The following MAGT1 variants were observed in gnomAD, a reference collection of about 807,000 sequenced individuals.
MAGT1 encodes magnesium transporter 1.
In MAGT1, 4 loss-of-function variants were observed where a neutral mutation model predicts 28.4. That is an observed-to-expected ratio of 0.14 (90% confidence interval 0.07 to 0.32). The LOEUF (loss-of-function observed/expected upper bound fraction) is 0.32. MAGT1 is among the 10% of genes least tolerant of loss of function. The pLI is 1.00. For synonymous variants in MAGT1, 89 were observed against 89.7 expected (o/e 0.99, Z 0.04); for missense variants, 193 against 264.5 (o/e 0.73, Z 1.88).
At chrX:77,855,776 A>T (rs2076979948) in intron 5 of MAGT1, among the ~76,000 whole-genome samples, 186 bp from the exon 6 acceptor site, 1 of 104,454 alleles carries the variant, frequency 9.6e-6, no homozygotes, top group East Asian at 3.0e-4. Context: ...GGAAAACACT[A>T]TTTTTTTTTT....
intron 8 of MAGT1, among the ~76,000 whole-genome samples, chrX:77,833,874 C>T (rs181657619): frequency 1.5e-4 from 17 of 111,123 alleles, no homozygotes; most frequent in African/African-American, 5.5e-4. Flanking sequence ...TACTTGACTT[C>T]AAATTATACT....
intron 3 of MAGT1, among the ~76,000 whole-genome samples, chrX:77,863,919 G>A (rs996069098): frequency 9.0e-6 from 1 of 111,056 alleles, no homozygotes; most frequent in Admixed American, 9.7e-5. Context: ...AGCTACTCGA[G>A]ACGCTGAGGC....
At chrX:77,891,719 C>G (rs1603365625) in intron 1 of MAGT1, among the ~76,000 whole-genome samples, 1 of 111,125 alleles carries the variant, frequency 9.0e-6, no homozygotes, top group East Asian at 2.8e-4. Flanking sequence ...TGCTGGAGGC[C>G]AGGAGTTTGA....
At chrX:77,836,390 T>C (rs1248499440) in intron 8 of MAGT1, among the ~76,000 whole-genome samples, 1 of 111,614 alleles carries the variant, frequency 9.0e-6, no homozygotes, top group Non-Finnish European at 1.9e-5. Flanking sequence ...AAAAGTATAA[T>C]TGGATTGTTT....
chrX:77,858,087 T>C (rs1469518948), intron 3 of MAGT1, among the ~76,000 whole-genome samples: 5 of 112,196 alleles, frequency 4.5e-5, no homozygotes, highest in African/African-American at 9.7e-5. Context: ...AACCATCTCA[T>C]CTGCATTATA....
chrX:77,876,090 G>A (rs1228480431), intron 1 of MAGT1, among the ~76,000 whole-genome samples: 1 of 94,214 alleles, frequency 1.1e-5, no homozygotes, highest in East Asian at 3.3e-4. Context: ...CTCAGCTACC[G>A]ACAGTGCTGG....
intron 4 of MAGT1, 101 bp from the exon 5 acceptor site, chrX:77,856,974 GT>G: frequency 2.6e-6 from 2 of 764,973 alleles, no homozygotes; most frequent in Non-Finnish European, 3.9e-6. Context: ...AATTATTGTG[GT>G]TACTTTCGGA....
In MAGT1 at chrX:77,875,481, G is replaced by A. The variant is rs183592456; in HGVS notation, c.219C>T (p.Ser73=). 10 of 1,207,654 alleles carry A rather than the reference G, an allele frequency of 8.3e-6. No individual in the cohort carries two copies. Among genetic ancestry groups the A allele is most frequent in the East Asian group, 3.0e-5 (1 of 33,701 alleles). ...GGAGAGCAGTGAACATGACGATAAC[G>A]GAGTAATTTCTCGGTGGGGCTTTCA... ...RLVKAPPRNY[S]VIVMFTALQL... Residue 73 remains serine (S), a synonymous_variant, in exon 2 of 10, where the codon TCC becomes TCT. Transcript: ENST00000618282.
intron 7 of MAGT1, among the ~76,000 whole-genome samples, chrX:77,845,030 T>C (rs1418973334): frequency 1.6e-4 from 18 of 111,063 alleles, no homozygotes; most frequent in Non-Finnish European, 2.4e-4. Flanking sequence ...ATCTGTCTAA[T>C]GTTGACAGTG....
intron 3 of MAGT1, among the ~76,000 whole-genome samples, chrX:77,859,887 T>C (rs1557216324): frequency 9.0e-6 from 1 of 110,575 alleles, no homozygotes; most frequent in African/African-American, 3.3e-5. Flanking sequence ...AAAATGGATA[T>C]AGCCAAATTG....
intron 5 of MAGT1, chrX:77,856,367 A>T (rs2076981489): frequency 7.3e-6 from 1 of 137,253 alleles, no homozygotes; most frequent in Admixed American, 8.5e-5. Flanking sequence ...GAGCCCAGGA[A>T]GCAGAGGTTG....
chrX:77,854,930 C>CT (rs2149017624), intron 6 of MAGT1, among the ~76,000 whole-genome samples: 1 of 112,098 alleles, frequency 8.9e-6, no homozygotes, highest in Admixed American at 9.5e-5. Flanking sequence ...ATCAATTTTT[C>CT]TATTTAGTTG....
chrX:77,858,099 CT>C (rs1189319870), intron 3 of MAGT1, among the ~76,000 whole-genome samples: 1 of 111,962 alleles, frequency 8.9e-6, no homozygotes. Context: ...TGCATTATAT[CT>C]TTTTTTATTT....
At position 77,895,349 on chromosome X, in the gene MAGT1, A is replaced by T; in HGVS notation, c.62T>A (p.Val21Asp). The T allele has an allele frequency of 2.5e-6, 3 of 1,212,133 alleles. No homozygotes were observed. Among genetic ancestry groups the T allele is most frequent in the Non-Finnish European group, 3.3e-6 (3 of 895,600 alleles). The change falls in exon 1 of 10, where the codon GTT becomes GAT. Residue 21 changes from valine (V) to aspartate (D), a missense_variant. Physicochemically the swap from Val to Asp is radical, Grantham distance 152 (BLOSUM62 -3). Coordinates refer to ENST00000618282, the MANE Select transcript of MAGT1 (RefSeq NM_001367916.1). ...SVTMVVALLI[V>D]CDVPSASAQR... is the part of the protein sequence containing the mutation. ...GGCAGAGGCTGAGGGAACGTCGCAA[A>T]CGATGAGCAGCGCCACCACCATGGT...
At chrX:77,830,969 TTTTTTATTTTATTTTATTTTA>T (rs2076896363) in intron 8 of MAGT1, 74 bp from the exon 9 acceptor site, 2 of 297,883 alleles carry the variant, frequency 6.7e-6, no homozygotes, top group Non-Finnish European at 1.1e-5. Context: ...TATACTTTCT[TTTTTTATTTTATTTTATTTTA>T]TTTTATTTTA....
intron 1 of MAGT1, among the ~76,000 whole-genome samples, chrX:77,880,453 C>T (rs782007412): frequency 2.7e-5 from 3 of 109,376 alleles, no homozygotes; most frequent in African/African-American, 1.0e-4. Context: ...TGCTTGAACC[C>T]GGGAGGTGGA....
chrX:77,893,326 T>C (rs183218201), intron 1 of MAGT1, among the ~76,000 whole-genome samples: 134 of 111,802 alleles, frequency 1.2e-3, no homozygotes, highest in Non-Finnish European at 2.1e-3. Flanking sequence ...AAGGAAGATA[T>C]TCTCGCATAA....
intron 5 of MAGT1, chrX:77,856,384 G>C: frequency 2.0e-5 from 3 of 152,643 alleles, no homozygotes; most frequent in Non-Finnish European, 3.7e-5. Context: ...GTTGCAGTGA[G>C]CCAAGATGGT....
intron 5 of MAGT1, among the ~76,000 whole-genome samples, chrX:77,856,064 G>T (rs2076980831): frequency 9.0e-6 from 1 of 111,015 alleles, no homozygotes; most frequent in Admixed American, 9.7e-5. Flanking sequence ...CACTGCGCCT[G>T]GCCAGGAAAA....
Sources: allele counts gnomAD v4.1 joint callset (sites outside exome capture counted in the v4.1 genomes callset), GRCh38; gene constraint gnomAD v4.1.1; transcripts MANE v1.5; gene names NCBI Gene and HGNC (gene_info 2026-07-23, HGNC 2026-07-21).